ZDHHC14: variants seen among roughly 807,000 people sequenced by gnomAD.
The protein encoded by ZDHHC14 is palmitoyltransferase ZDHHC14.
A neutral mutation model predicts 47.7 loss-of-function variants in ZDHHC14; 16 were observed. That is an observed-to-expected ratio of 0.34 (90% CI 0.23 to 0.51). ZDHHC14 has a LOEUF of 0.51. Among genes scored for constraint, ZDHHC14 ranks in the 20% least tolerant of loss-of-function variants. The probability of loss-of-function intolerance (pLI) is 0.97; values close to 1 mark genes in which losing one functional copy is unlikely to be tolerated. For synonymous variants in ZDHHC14, 293 were observed against 278.9 expected, an observed-to-expected ratio of 1.05 and a Z score of -0.50; for missense variants, 515 against 662.5, an observed-to-expected ratio of 0.78 and a Z score of 2.44.
chr6:157,660,037 G>GC (rs1383641708), intron 8 of ZDHHC14, among the ~76,000 whole-genome samples: 1 of 152,076 alleles, frequency 6.6e-6, no homozygotes, highest in Non-Finnish European at 1.5e-5. Flanking sequence ...TACTATCATT[G>GC]CAAGAGTTGC....
intron 8 of ZDHHC14, 74 bp from the exon 9 acceptor site, chr6:157,672,625 CCCCACCCTCCCCGCCCGTGCCCTGT>C: frequency 1.3e-5 from 3 of 229,142 alleles, no homozygotes; most frequent in Admixed American, 1.3e-4. Context: ...TCTTCTCGCA[CCCCACCCTCCCCGCCCGTGCCCTGT>C]CCCCATCCCT....
intron 3 of ZDHHC14, among the ~76,000 whole-genome samples, chr6:157,620,742 C>A (rs1323545703): frequency 6.6e-6 from 1 of 152,208 alleles, no homozygotes; most frequent in African/African-American, 2.4e-5. Context: ...CCCGATCAGC[C>A]TGAGTGTCTG....
intron 3 of ZDHHC14, among the ~76,000 whole-genome samples, chr6:157,596,122 C>T (rs1194023464): frequency 1.3e-5 from 2 of 152,282 alleles, no homozygotes; most frequent in East Asian, 1.9e-4. Context: ...TGCATAGCTT[C>T]GGTTTTCCGG....
At chr6:157,632,804 GA>G (rs764527669) in intron 4 of ZDHHC14, 29 bp from the exon 5 acceptor site, 50 of 1,612,338 alleles carry the variant, frequency 3.1e-5, no homozygotes, top group Non-Finnish European at 4.2e-5. Context: ...GTTTCTATCT[GA>G]ATACTAAATG....
At chr6:157,646,979 A>G (rs1179652166) in intron 6 of ZDHHC14, among the ~76,000 whole-genome samples, 1 of 152,232 alleles carries the variant, frequency 6.6e-6, no homozygotes, top group Non-Finnish European at 1.5e-5. Context: ...GTGAGTATGA[A>G]AAAAATCTCT....
At chr6:157,419,226 A>G (rs1007164820) in intron 1 of ZDHHC14, among the ~76,000 whole-genome samples, 5 of 152,186 alleles carry the variant, frequency 3.3e-5, no homozygotes, top group Non-Finnish European at 5.9e-5. Context: ...CGATCAACCT[A>G]TATTGATTCA....
At chr6:157,662,131 T>C (rs1461864068) in intron 8 of ZDHHC14, among the ~76,000 whole-genome samples, 1 of 152,000 alleles carries the variant, frequency 6.6e-6, no homozygotes, top group Non-Finnish European at 1.5e-5. Context: ...ATATAGAGCT[T>C]TGCAATTTAC....
chr6:157,409,424 C>T (rs890119502), intron 1 of ZDHHC14, among the ~76,000 whole-genome samples: 6 of 152,196 alleles, frequency 3.9e-5, no homozygotes, highest in African/African-American at 1.4e-4. Context: ...AGTTAGCATG[C>T]CTTCCCTCTG....
At chr6:157,662,502 T>A (rs1036297189) in intron 8 of ZDHHC14, among the ~76,000 whole-genome samples, 8 of 152,244 alleles carry the variant, frequency 5.3e-5, no homozygotes, top group African/African-American at 1.9e-4. Flanking sequence ...TTTTAAACGT[T>A]CAGTTGAATG....
chr6:157,630,490 TCA>T (rs1002561365), intron 4 of ZDHHC14: 4 of 151,682 alleles, frequency 2.6e-5, no homozygotes, highest in African/African-American at 7.3e-5. Context: ...CTAGCCACAC[TCA>T]CACTCATATA....
chr6:157,660,628 G>A (rs1397780360), intron 8 of ZDHHC14, among the ~76,000 whole-genome samples: 1 of 152,160 alleles, frequency 6.6e-6, no homozygotes, highest in Non-Finnish European at 1.5e-5. Flanking sequence ...CTCAGCCCAG[G>A]ACACTCATTA....
Position 157,673,027 on chromosome 6 carries a change from G to T in ZDHHC14, c.1372G>T (p.Ala458Ser). Residue 458 changes from alanine to serine, a missense_variant, in exon 9 of 9, where the codon GCG (alanine) becomes TCG (serine). Around this residue, in one of 4 missense-constraint regions of ZDHHC14, gnomAD observed 221 missense variants for 233.6 expected, o/e 0.95. Coordinates refer to ENST00000359775, the MANE Select transcript of ZDHHC14 (RefSeq NM_024630.3). This position sits in a 1 kb window ranked among gnomAD's most constrained non-coding sequence, Gnocchi z 5.4. Reference sequence around the variant, plus strand: ...GCTACTGGCGGCGGGCAGCCCCCTGGCGCACAGCCGCACCATGCACGTGCT... The same window carrying T: ...GCTACTGGCGGCGGGCAGCCCCCTGTCGCACAGCCGCACCATGCACGTGCT... The part of the protein sequence containing the change: ...PRLLAAGSPL[A>S]HSRTMHVLGL... The T allele has an allele frequency of 6.4e-7, 1 of 1,564,802 alleles. No homozygotes were observed.
intron 1 of ZDHHC14, among the ~76,000 whole-genome samples, chr6:157,444,429 G>A (rs1583649831): frequency 1.3e-5 from 2 of 152,292 alleles, no homozygotes; most frequent in African/African-American, 4.8e-5. Context: ...TGTAATCCAA[G>A]CAATTTGGGA....
intron 2 of ZDHHC14, among the ~76,000 whole-genome samples, chr6:157,551,483 A>G (rs1191041451): frequency 6.6e-6 from 1 of 152,188 alleles, no homozygotes; most frequent in Non-Finnish European, 1.5e-5. Context: ...CAGAATATCT[A>G]AATCTTTGCT....
chr6:157,469,167 G>T (rs1779295915), intron 1 of ZDHHC14, among the ~76,000 whole-genome samples: 1 of 152,186 alleles, frequency 6.6e-6, no homozygotes, highest in Admixed American at 6.5e-5. Context: ...ACTCCAAGGG[G>T]CTGTCCTCAC....
At chr6:157,551,329 G>A (rs151282008) in intron 2 of ZDHHC14, among the ~76,000 whole-genome samples, 19 of 152,312 alleles carry the variant, frequency 1.2e-4, no homozygotes, top group Non-Finnish European at 7.3e-5. Flanking sequence ...TTGGTTTACA[G>A]ATGAGTAAAC....
chr6:157,673,032 C>T lies in ZDHHC14; in HGVS notation c.1377C>T (p.His459=). ...TGGCGGCGGGCAGCCCCCTGGCGCA[C>T]AGCCGCACCATGCACGTGCTGGGCC... The part of the protein sequence containing the change: ...RLLAAGSPLA[H]SRTMHVLGLA... The change falls in exon 9 of 9, where the codon CAC becomes CAT. Residue 459 remains histidine, a synonymous_variant. Coordinates refer to ENST00000359775, the MANE Select transcript of ZDHHC14 (RefSeq NM_024630.3). This position sits in a 1 kb window ranked among gnomAD's most constrained non-coding sequence, Gnocchi z 5.4. 1.9e-6 allele frequency: 3 copies of T among 1,565,370 alleles called. 1 individual carries two copies. The South Asian group carries it at 3.5e-5, about 18-fold the overall frequency.
chr6:157,477,596 A>G (rs1285207572), intron 1 of ZDHHC14, among the ~76,000 whole-genome samples: 1 of 151,954 alleles, frequency 6.6e-6, no homozygotes, highest in African/African-American at 2.4e-5. Context: ...TATTTTTTTG[A>G]TACATTTATT....
intron 1 of ZDHHC14, among the ~76,000 whole-genome samples, chr6:157,433,501 C>T (rs1016847618): frequency 1.6e-4 from 25 of 152,168 alleles, no homozygotes; most frequent in Non-Finnish European, 2.2e-4. Flanking sequence ...CAGCCTGGGC[C>T]GTGATGTTCA....
Sources: allele counts gnomAD v4.1 joint callset (sites outside exome capture counted in the v4.1 genomes callset), GRCh38; gene constraint gnomAD v4.1.1; regional missense constraint gnomAD v4.1.1; non-coding constraint Gnocchi (gnomAD v3.1); transcripts MANE v1.5; gene names NCBI Gene and HGNC (gene_info 2026-07-23, HGNC 2026-07-21).